Variants in CMSS1 observed in about 807,000 individuals in gnomAD.
CMSS1 encodes protein CMSS1.
CMSS1 carries 33 observed loss-of-function variants against 43.5 expected under a neutral mutation model. The observed-to-expected ratio is 0.76, with a 90% CI of 0.57 to 1.01. The LOEUF (loss-of-function observed/expected upper bound fraction) is 1.01, where lower values mean the gene tolerates loss of function less well. CMSS1 is among the 50% of genes least tolerant of loss of function. The pLI is 0.00. For synonymous variants in CMSS1, 115 were observed against 117.2 expected, an observed-to-expected ratio of 0.98 and a Z score of 0.12; for missense variants, 313 against 326.4, an observed-to-expected ratio of 0.96 and a Z score of 0.32.
At chr3:99,899,490 A>T (rs999114418) in intron 1 of CMSS1, among the ~76,000 whole-genome samples, 1 of 152,222 alleles carries the variant, frequency 6.6e-6, no homozygotes, top group Non-Finnish European at 1.5e-5. Context: ...CAACTAAACA[A>T]GTTATTGTAT....
intron 1 of CMSS1, among the ~76,000 whole-genome samples, chr3:99,871,309 C>CT (rs566494884): frequency 0.014 from 2,142 of 151,462 alleles, 29 homozygotes; most frequent in South Asian, 0.021. Flanking sequence ...TGCAGAAACA[C>CT]TTTTTTTTTG....
intron 1 of CMSS1, among the ~76,000 whole-genome samples, chr3:100,118,936 A>G (rs1487544554): frequency 1.3e-5 from 2 of 152,200 alleles, no homozygotes; most frequent in African/African-American, 4.8e-5. Flanking sequence ...AAGAAGGGAA[A>G]TATCAAGAAA....
chr3:100,079,575 A>C (rs1435543274), intron 1 of CMSS1, among the ~76,000 whole-genome samples: 1 of 152,218 alleles, frequency 6.6e-6, no homozygotes, highest in African/African-American at 2.4e-5. Flanking sequence ...AGATACAGTC[A>C]GTGTCACTTT....
chr3:99,821,413 A>G (rs142473712), intron 1 of CMSS1, among the ~76,000 whole-genome samples: 4 of 152,332 alleles, frequency 2.6e-5, no homozygotes, highest in African/African-American at 9.6e-5. Flanking sequence ...CATTGGTGGC[A>G]ATTGGAGTCA....
intron 1 of CMSS1, among the ~76,000 whole-genome samples, chr3:100,014,660 G>A (rs191450882): frequency 6.6e-6 from 1 of 151,916 alleles, no homozygotes; most frequent in African/African-American, 2.4e-5. Flanking sequence ...GTCTTTTCAG[G>A]TTCATTTTTA....
intron 1 of CMSS1, among the ~76,000 whole-genome samples, chr3:100,027,775 G>A (rs1162375565): frequency 2.0e-5 from 3 of 152,146 alleles, no homozygotes; most frequent in African/African-American, 7.2e-5. Context: ...TTTAGAACTG[G>A]GCAAGCAATA....
chr3:99,864,073 T>C (rs528964490), intron 1 of CMSS1, among the ~76,000 whole-genome samples: 10 of 152,222 alleles, frequency 6.6e-5, no homozygotes, highest in Non-Finnish European at 1.0e-4. Context: ...ATGGAATTAA[T>C]ATGTAGGAGG....
At chr3:99,973,574 TATC>T (rs1708884425) in intron 1 of CMSS1, among the ~76,000 whole-genome samples, 1 of 152,218 alleles carries the variant, frequency 6.6e-6, no homozygotes, top group Non-Finnish European at 1.5e-5. Context: ...TCATGAAAGT[TATC>T]AACATCCTCC....
At chr3:100,092,673 A>G (rs1218578104) in intron 1 of CMSS1, among the ~76,000 whole-genome samples, 2 of 146,544 alleles carry the variant, frequency 1.4e-5, no homozygotes, top group Non-Finnish European at 3.0e-5. Context: ...CTGAGCAAAC[A>G]TACATTATTG....
chr3:99,864,682 C>G (rs1167035383), intron 1 of CMSS1, among the ~76,000 whole-genome samples: 2 of 152,090 alleles, frequency 1.3e-5, no homozygotes, highest in East Asian at 1.9e-4. Context: ...ACCCCTTCTA[C>G]TGTTCTCCTC....
intron 6 of CMSS1, 90 bp downstream of exon 6, chr3:100,167,930 C>T: frequency 1.2e-6 from 1 of 833,612 alleles, no homozygotes; most frequent in Non-Finnish European, 1.9e-6. Context: ...GGAGATGTAG[C>T]AATAAACAAA....
At chr3:100,017,302 G>A (rs1490172637) in intron 1 of CMSS1, among the ~76,000 whole-genome samples, 2 of 152,154 alleles carry the variant, frequency 1.3e-5, no homozygotes, top group Non-Finnish European at 2.9e-5. Context: ...GGTTTTTGGG[G>A]CTCCAGTGTA....
Position 99,971,682 on chromosome 3 carries a change from A to G in CMSS1, c.64+153639A>G, listed in dbSNP as rs892222901. ...CTGTGGCTTTAGACCTGCTTTCATC[A>G]GGACCTCACACTGTGGACTCACAGG... On this transcript the variant is annotated intron_variant, in intron 1 of 9. Coordinates refer to ENST00000421999, the MANE Select transcript of CMSS1 (RefSeq NM_032359.4). 5.3e-5 allele frequency among the ~76,000 whole-genome samples: 8 copies of G among 152,302 alleles called. No individual in the cohort carries two copies. In the East Asian group the frequency reaches 1.5e-3, roughly 29 times the overall value.
intron 1 of CMSS1, chr3:99,850,936 T>C (rs1226973817): frequency 6.2e-7 from 1 of 1,614,098 alleles, no homozygotes; most frequent in African/African-American, 1.3e-5. Flanking sequence ...CGTCAGCCTT[T>C]GCTGTTCATC....
intron 1 of CMSS1, among the ~76,000 whole-genome samples, chr3:99,970,049 G>A (rs932716519): frequency 1.3e-5 from 2 of 152,152 alleles, no homozygotes; most frequent in African/African-American, 4.8e-5. Flanking sequence ...CTTAAAATTT[G>A]GATAAGCCAT....
chr3:99,930,855 G>GCTT lies in CMSS1; in HGVS notation c.64+112815_64+112817dup, dbSNP rs772777297. On this transcript the variant is annotated intron_variant, in intron 1 of 9. Coordinates refer to ENST00000421999, the MANE Select transcript of CMSS1 (RefSeq NM_032359.4). Reference sequence around the variant, plus strand: ...GCTTGGTGGCCATTACCACTGTGTGGCTTCTCTGCCTTGGGACACGGAAGT... The same window carrying GCTT: ...GCTTGGTGGCCATTACCACTGTGTGGCTTCTTCTCTGCCTTGGGACACGGAAGT... 5 of 1,612,720 alleles carry GCTT rather than the reference G, an allele frequency of 3.1e-6. No individual in the cohort carries two copies. The South Asian group carries it at 5.5e-5, about 18-fold the overall frequency.
At chr3:99,933,724 C>T (rs1012942680) in intron 1 of CMSS1, among the ~76,000 whole-genome samples, 1 of 152,006 alleles carries the variant, frequency 6.6e-6, no homozygotes, top group African/African-American at 2.4e-5. Flanking sequence ...ATTATAGGGC[C>T]ATCTATGTCC....
At chr3:99,885,379 ACTTAT>A (rs760264929) in intron 1 of CMSS1, among the ~76,000 whole-genome samples, 3 of 152,184 alleles carry the variant, frequency 2.0e-5, no homozygotes, top group Admixed American at 6.5e-5. Context: ...AGAAGTACAA[ACTTAT>A]CTTATTATTG....
intron 1 of CMSS1, among the ~76,000 whole-genome samples, chr3:99,919,842 G>A (rs1031634789): frequency 9.2e-5 from 14 of 152,206 alleles, no homozygotes; most frequent in African/African-American, 3.4e-4. Flanking sequence ...GAACTTCCCA[G>A]GGTGTGGTCA....
Sources: gnomAD v4.1 joint callset for allele counts (sites outside exome capture counted in the v4.1 genomes callset) on GRCh38, gnomAD v4.1.1 for gene constraint, MANE v1.5 for transcripts, NCBI Gene and HGNC (gene_info 2026-07-23, HGNC 2026-07-21) for gene names.